The following FGF14 variants were observed in gnomAD, a reference collection of about 807,000 sequenced individuals.
FGF14 encodes fibroblast growth factor homologous factor 4.
A neutral mutation model predicts 25.5 loss-of-function variants in FGF14; 5 were observed. The observed-to-expected ratio is 0.20, with a 90% CI of 0.10 to 0.41. The LOEUF (loss-of-function observed/expected upper bound fraction) is 0.41, where lower values mean the gene tolerates loss of function less well. FGF14 is among the 10% of genes least tolerant of loss of function. FGF14 has a pLI of 1.00. For missense variants in FGF14, 222 were observed against 320.1 expected (o/e 0.69, Z 2.34); for synonymous variants, 138 against 118.3 (o/e 1.17, Z -1.08).
chr13:102,246,228 C>G (rs915440602), intron 1 of FGF14, among the ~76,000 whole-genome samples: 1 of 152,018 alleles, frequency 6.6e-6, no homozygotes, highest in Admixed American at 6.6e-5. Context: ...AATGATCATA[C>G]TCAATATGAG....
chr13:102,154,153 G>A (rs533517367), intron 1 of FGF14, among the ~76,000 whole-genome samples: 1 of 152,056 alleles, frequency 6.6e-6, no homozygotes, highest in South Asian at 2.1e-4. Context: ...TCAAATTCAG[G>A]AAATACAGAG....
chr13:102,031,969 T>C (rs1446368591), intron 1 of FGF14, among the ~76,000 whole-genome samples: 1 of 152,090 alleles, frequency 6.6e-6, no homozygotes, highest in African/African-American at 2.4e-5. Context: ...ACATTACAAA[T>C]CTGTTCATTA....
intron 1 of FGF14, chr13:102,373,446 T>C (rs761772495): frequency 6.6e-6 from 1 of 152,156 alleles, no homozygotes; most frequent in Non-Finnish European, 1.5e-5. Flanking sequence ...GAAATGACCA[T>C]AATAACTCCA....
At chr13:101,939,851 A>G (rs2035330053) in intron 1 of FGF14, among the ~76,000 whole-genome samples, 1 of 152,376 alleles carries the variant, frequency 6.6e-6, no homozygotes, top group East Asian at 1.9e-4. Flanking sequence ...AAGAAATGGC[A>G]TGCTTTAGAA....
intron 1 of FGF14, among the ~76,000 whole-genome samples, chr13:102,333,689 T>C (rs140197780): frequency 7.2e-5 from 11 of 152,274 alleles, no homozygotes; most frequent in African/African-American, 2.2e-4. Flanking sequence ...AGAAAGGACG[T>C]AAAGTGTCTA....
chr13:102,399,689 A>G (rs1187641160), intron 1 of FGF14, among the ~76,000 whole-genome samples: 1 of 152,194 alleles, frequency 6.6e-6, no homozygotes, highest in East Asian at 1.9e-4. Flanking sequence ...CCCTTGGGCA[A>G]TTCTCAGGTT....
chr13:101,926,738 G>A (rs2034391715), intron 1 of FGF14, among the ~76,000 whole-genome samples: 1 of 152,184 alleles, frequency 6.6e-6, no homozygotes, highest in Non-Finnish European at 1.5e-5. Flanking sequence ...CCAAATGAAG[G>A]AAATACATTC....
chr13:101,855,052 G>T (rs2044053477), intron 3 of FGF14, among the ~76,000 whole-genome samples: 2 of 151,448 alleles, frequency 1.3e-5, no homozygotes, highest in Admixed American at 6.6e-5. Flanking sequence ...GTACACAAAT[G>T]CACACACACA....
intron 1 of FGF14, among the ~76,000 whole-genome samples, chr13:101,998,283 T>C (rs983001050): frequency 3.9e-5 from 6 of 152,186 alleles, no homozygotes; most frequent in African/African-American, 1.4e-4. Flanking sequence ...TTGGTACAAT[T>C]ATGCAGTATA....
intron 1 of FGF14, among the ~76,000 whole-genome samples, chr13:102,033,848 T>C (rs1203509840): frequency 6.6e-6 from 1 of 152,082 alleles, no homozygotes; most frequent in African/African-American, 2.4e-5. Context: ...AAACCAAGAC[T>C]CCCTACCAGC....
At chr13:101,930,108 T>C (rs935191403) in intron 1 of FGF14, among the ~76,000 whole-genome samples, 2 of 152,216 alleles carry the variant, frequency 1.3e-5, no homozygotes, top group African/African-American at 4.8e-5. Flanking sequence ...CATTTCTAAT[T>C]CTTAAACATC....
chr13:102,290,812 T>G (rs1213624525), intron 1 of FGF14, among the ~76,000 whole-genome samples: 1 of 152,168 alleles, frequency 6.6e-6, no homozygotes, highest in Non-Finnish European at 1.5e-5. Context: ...TAAAATCATA[T>G]AGTCATTTTC....
chr13:101,875,798 A>C (rs2140481487), intron 1 of FGF14, among the ~76,000 whole-genome samples: 1 of 152,268 alleles, frequency 6.6e-6, no homozygotes, highest in East Asian at 1.9e-4. Flanking sequence ...CATATGATAC[A>C]TATTCTTAGG....
At chr13:101,853,738 G>C (rs1320551970) in intron 3 of FGF14, among the ~76,000 whole-genome samples, 2 of 151,962 alleles carry the variant, frequency 1.3e-5, no homozygotes, top group Non-Finnish European at 2.9e-5. Context: ...TTACAGGTGT[G>C]AGCCACCATG....
chr13:101,812,646 TATATA>T (rs1390094885), intron 3 of FGF14, among the ~76,000 whole-genome samples: 135 of 11,786 alleles, frequency 0.011, no homozygotes, highest in South Asian at 0.027. Flanking sequence ...TATATATATA[TATATA>T]TATTTTTTTT....
chr13:102,081,863 C>T (rs1263654285), intron 1 of FGF14, among the ~76,000 whole-genome samples: 1 of 151,886 alleles, frequency 6.6e-6, no homozygotes, highest in Non-Finnish European at 1.5e-5. Flanking sequence ...AAAGCAAAAG[C>T]GGAATGAGTT....
chr13:102,124,687 C>T (rs532335951), intron 1 of FGF14, among the ~76,000 whole-genome samples: 26 of 152,152 alleles, frequency 1.7e-4, no homozygotes, highest in Admixed American at 1.0e-3. Flanking sequence ...AGGGCCAGCA[C>T]ATTTCTTGCT....
chr13:101,820,902 C>A (rs1047711582), intron 3 of FGF14, among the ~76,000 whole-genome samples: 5 of 151,588 alleles, frequency 3.3e-5, no homozygotes, highest in Non-Finnish European at 7.4e-5. Flanking sequence ...AGTCCAGTCT[C>A]CCCCGAGAGG....
chr13:102,096,084 G>A (rs77138083), intron 1 of FGF14, among the ~76,000 whole-genome samples: 12,278 of 150,746 alleles, frequency 0.081, 519 homozygotes, highest in Non-Finnish European at 0.091. Context: ...TTAGAGTTGG[G>A]ATACATTGCC....
Sources: gnomAD v4.1 joint callset for allele counts (sites outside exome capture counted in the v4.1 genomes callset) on GRCh38, gnomAD v4.1.1 for gene constraint, MANE v1.5 for transcripts, NCBI Gene and HGNC (gene_info 2026-07-23, HGNC 2026-07-21) for gene names.